PTPRG: variants seen among roughly 807,000 people sequenced by gnomAD.
PTPRG encodes protein tyrosine phosphatase receptor type G.
Under a neutral mutation model 165.3 loss-of-function variants are expected in PTPRG, and 102 were observed. The ratio of observed to expected loss-of-function variants is 0.62; its 90% confidence interval spans 0.53 to 0.73. PTPRG has a LOEUF of 0.73. Ranked by LOEUF, PTPRG falls within the 30% of genes least tolerant of loss-of-function variation. The pLI, the probability that PTPRG is intolerant of heterozygous loss-of-function variation, is 0.00. For synonymous variants in PTPRG, 675 were observed against 669.5 expected (o/e 1.01, Z -0.13); for missense variants, 1,866 against 1,861.4 (o/e 1.00, Z -0.05).
chr3:61,841,565 C>CGTGCT (rs1553680328), intron 2 of PTPRG, among the ~76,000 whole-genome samples: 5 of 151,950 alleles, frequency 3.3e-5, no homozygotes, highest in Non-Finnish European at 7.4e-5. Context: ...TGTGATTAAA[C>CGTGCT]TTAGCCCTCG....
At position 61,562,304 on chromosome 3, in the gene PTPRG, A is replaced by C. The variant is rs1699776897; in HGVS notation, c.17A>C (p.Glu6Ala). ...TTTTCGGACATGCGGAGGTTACTGG[A>C]ACCGTGTTGGTGGATTTTGTTCCTG... is the stretch of plus-strand genomic sequence containing the variant. MRRLL[E>A]PCWWILFLKI... is the part of the protein sequence containing the mutation. Residue 6 changes from glutamate to alanine, a missense_variant, in exon 1 of 30, where the codon GAA (glutamate) becomes GCA (alanine). Glu to Ala is a moderately radical substitution (Grantham distance 107). Coordinates refer to ENST00000474889, the MANE Select transcript of PTPRG (RefSeq NM_002841.4). 8 of 1,613,638 alleles carry C rather than the reference A, an allele frequency of 5.0e-6. No individual in the cohort carries two copies. The highest frequency in any genetic ancestry group is 6.8e-6 in the Non-Finnish European group (8 of 1,179,660).
chr3:61,999,637 C>T (rs528905275), intron 3 of PTPRG, among the ~76,000 whole-genome samples: 12 of 151,818 alleles, frequency 7.9e-5, no homozygotes, highest in African/African-American at 1.9e-4. Context: ...TTTGTAGTAC[C>T]GTTTTCTTCT....
intron 15 of PTPRG, among the ~76,000 whole-genome samples, chr3:62,244,312 G>C (rs1576173317): frequency 6.6e-6 from 1 of 152,196 alleles, no homozygotes; most frequent in African/African-American, 2.4e-5. Flanking sequence ...TTACTGGTCT[G>C]GTGGATATTT....
chr3:61,762,404 T>C (rs1575643052), intron 2 of PTPRG, among the ~76,000 whole-genome samples: 1 of 151,838 alleles, frequency 6.6e-6, no homozygotes, highest in African/African-American at 2.4e-5. Flanking sequence ...CTGAGGTCAA[T>C]AGTTCGAGAC....
chr3:61,922,453 T>C (rs1006378017), intron 2 of PTPRG, among the ~76,000 whole-genome samples: 1 of 152,156 alleles, frequency 6.6e-6, no homozygotes, highest in African/African-American at 2.4e-5. Context: ...TGTAGGTGCA[T>C]ACACTTGTGT....
intron 1 of PTPRG, among the ~76,000 whole-genome samples, chr3:61,641,221 C>A (rs1209605755): frequency 6.6e-6 from 1 of 152,116 alleles, no homozygotes; most frequent in Admixed American, 6.5e-5. Context: ...TCCAGATTTC[C>A]TCCCCCTCCC....
Position 62,281,538 on chromosome 3 carries a change from C to CTTCTTTTTTTTTTTTTTTTTTTTTTTTTT in PTPRG, c.3766-23_3766-22insCTTTTTTTTTTTTTTTTTTTTTTTTTTTT, listed in dbSNP as rs373128198. On this transcript the variant is annotated intron_variant, in intron 26 of 29. Coordinates refer to ENST00000474889, the MANE Select transcript of PTPRG (RefSeq NM_002841.4). The stretch of plus-strand genomic sequence containing the variant: ...CAAATCCTTGACAGAACTGCAGAGG[C>CTTCTTTTTTTTTTTTTTTTTTTTTTTTTT]TTTTTTTTTTTTTGGATTCCAAAGG... The CTTCTTTTTTTTTTTTTTTTTTTTTTTTTT allele has an allele frequency of 8.0e-6, 4 of 497,852 alleles. No homozygotes were observed. The African/African-American group carries it at 1.5e-4, about 18-fold the overall frequency. 30.8% of individuals were successfully genotyped at this position (497,852 alleles called of 1,614,324 possible). A position where few individuals can be genotyped will look rare whatever the true frequency, so the allele number is the denominator to read the frequency against.
At position 62,296,628 on chromosome 3, in the gene PTPRG, T is replaced by C. The variant is rs996503573; in HGVS notation, c.*3321T>C. The C allele has an allele frequency of 1.3e-5, 2 of 151,836 alleles. No individual in the cohort carries two copies. Among genetic ancestry groups the C allele is most frequent in the Non-Finnish European group, 2.9e-5 (2 of 67,862 alleles). 9.4% of individuals were successfully genotyped at this position (151,836 alleles called of 1,614,324 possible). ...TGTTCAAATGGTGCCAGTGAATTTTTATATGAAGGGAAAATGCCTGCTTTT... is the reference window on the plus strand; with the variant it reads ...TGTTCAAATGGTGCCAGTGAATTTTCATATGAAGGGAAAATGCCTGCTTTT... On this transcript the variant is annotated 3_prime_UTR_variant, in exon 30 of 30. Coordinates refer to ENST00000474889, the MANE Select transcript of PTPRG (RefSeq NM_002841.4).
intron 1 of PTPRG, among the ~76,000 whole-genome samples, chr3:61,746,962 C>T (rs1407153638): frequency 6.6e-6 from 1 of 151,998 alleles, no homozygotes; most frequent in East Asian, 1.9e-4. Flanking sequence ...AGATCAGCTA[C>T]AAAAATAAAA....
At chr3:62,033,080 T>C (rs1226702599) in intron 4 of PTPRG, among the ~76,000 whole-genome samples, 1 of 152,176 alleles carries the variant, frequency 6.6e-6, no homozygotes, top group African/African-American at 2.4e-5. Context: ...GTATTATATG[T>C]GTGTGACCCG....
At chr3:61,988,184 G>A (rs563768769) in intron 2 of PTPRG, among the ~76,000 whole-genome samples, 88 of 152,260 alleles carry the variant, frequency 5.8e-4, no homozygotes, top group African/African-American at 2.0e-3. Flanking sequence ...TGAGGATTAG[G>A]GAGAATGACT....
intron 2 of PTPRG, among the ~76,000 whole-genome samples, chr3:61,817,876 C>T (rs2035835623): frequency 6.6e-6 from 1 of 152,180 alleles, no homozygotes; most frequent in African/African-American, 2.4e-5. Context: ...CCTGAATCTG[C>T]CTTCTAAGGT....
At chr3:62,108,016 G>T (rs768488752) in intron 5 of PTPRG, among the ~76,000 whole-genome samples, 3 of 151,272 alleles carry the variant, frequency 2.0e-5, no homozygotes, top group African/African-American at 7.3e-5. Context: ...TAATCTTGGT[G>T]TAGAACCCTG....
At chr3:62,071,333 ACT>A (rs1233480489) in intron 4 of PTPRG, among the ~76,000 whole-genome samples, 1 of 151,996 alleles carries the variant, frequency 6.6e-6, no homozygotes, top group African/African-American at 2.4e-5. Flanking sequence ...TGGGTTTTCT[ACT>A]CTCATGTTGG....
chr3:61,761,155 A>G (rs1395289976), intron 2 of PTPRG, among the ~76,000 whole-genome samples: 1 of 152,192 alleles, frequency 6.6e-6, no homozygotes, highest in Non-Finnish European at 1.5e-5. Flanking sequence ...TTCTGATTCT[A>G]GGTCTTTGAG....
intron 1 of PTPRG, among the ~76,000 whole-genome samples, chr3:61,636,377 T>A (rs955779579): frequency 2.0e-5 from 3 of 152,260 alleles, no homozygotes; most frequent in Non-Finnish European, 4.4e-5. Context: ...TACTATCTTA[T>A]AAATTCGCCT....
intron 2 of PTPRG, among the ~76,000 whole-genome samples, chr3:61,844,538 C>T (rs1003309456): frequency 6.6e-6 from 1 of 152,082 alleles, no homozygotes; most frequent in Non-Finnish European, 1.5e-5. Flanking sequence ...GGGAGAGTCT[C>T]GCCCTGTCAC....
intron 1 of PTPRG, among the ~76,000 whole-genome samples, chr3:61,639,631 T>G (rs1702010729): frequency 1.3e-5 from 2 of 152,164 alleles, no homozygotes; most frequent in South Asian, 4.1e-4. Context: ...ACCTGCTTGA[T>G]TAGATGTATT....
chr3:62,134,448 C>G (rs972808879), intron 6 of PTPRG, among the ~76,000 whole-genome samples: 1 of 152,204 alleles, frequency 6.6e-6, no homozygotes, highest in Non-Finnish European at 1.5e-5. Flanking sequence ...TGGTATGCAG[C>G]CCCTCCCAGC....
Sources: gnomAD v4.1 joint callset for allele counts (sites outside exome capture counted in the v4.1 genomes callset) on GRCh38, gnomAD v4.1.1 for gene constraint, MANE v1.5 for transcripts, NCBI Gene and HGNC (gene_info 2026-07-23, HGNC 2026-07-21) for gene names.